NCF4: variants seen among roughly 807,000 people sequenced by gnomAD.
The protein encoded by NCF4 is neutrophil cytosol factor 4.
A neutral mutation model predicts 41.7 loss-of-function variants in NCF4; 30 were observed. The ratio of observed to expected loss-of-function variants is 0.72; its 90% CI spans 0.54 to 0.97. NCF4 has a LOEUF of 0.97. NCF4 is among the 50% of genes least tolerant of loss of function. The pLI is 0.00. For missense variants in NCF4, 432 were observed against 460.9 expected (o/e 0.94, Z 0.57); for synonymous variants, 195 against 175.8 (o/e 1.11, Z -0.87).
chr22:36,862,509 G>A (rs1939798499), intron 1 of NCF4, among the ~76,000 whole-genome samples: 1 of 152,164 alleles, frequency 6.6e-6, no homozygotes, highest in Admixed American at 6.5e-5. Context: ...CCTGCTTTCT[G>A]GGGTACAGGG....
chr22:36,863,162 G>A (rs963681435), intron 1 of NCF4, among the ~76,000 whole-genome samples: 13 of 152,178 alleles, frequency 8.5e-5, no homozygotes, highest in African/African-American at 2.2e-4. Context: ...GGTAGTGGCC[G>A]TGTATTGAGC....
intron 9 of NCF4, among the ~76,000 whole-genome samples, chr22:36,877,028 A>AGAG (rs1569117403): frequency 3.3e-5 from 5 of 151,860 alleles, no homozygotes; most frequent in Middle Eastern, 3.4e-3. Context: ...ATACAGCCCC[A>AGAG]CTCTGTGCCC....
chr22:36,875,887 C>T (rs1940181411), intron 8 of NCF4, 104 bp downstream of exon 8: 1 of 1,614,212 alleles, frequency 6.2e-7, no homozygotes, highest in Non-Finnish European at 8.5e-7. Context: ...CTCCAAAGCC[C>T]CCAGTGGCTC....
At position 36,867,409 on chromosome 22, in the gene NCF4, G is replaced by A; in HGVS notation, c.289G>A (p.Val97Met). The change falls in exon 4 of 10, where the codon GTG becomes ATG. Residue 97 changes from valine (V) to methionine (M), a missense_variant. By Grantham distance (21) the Val-to-Met change is conservative (BLOSUM62 1). Transcript: ENST00000248899. Reference protein sequence around the residue: ...PTLPAKVYVGVKQEIAEMRIP... With the variant: ...PTLPAKVYVGMKQEIAEMRIP... ...CTTCTCAGCCAAAGTCTACGTGGGT[G>A]TGAAACAGGAGATCGCCGAGATGCG... 1 of 1,614,214 alleles carries A rather than the reference G, an allele frequency of 6.2e-7. No homozygotes were observed. Among genetic ancestry groups the A allele is most frequent in the Non-Finnish European group, 8.5e-7 (1 of 1,180,040 alleles).
At chr22:36,873,377 A>T (rs1940126717) in intron 7 of NCF4, among the ~76,000 whole-genome samples, 1 of 147,252 alleles carries the variant, frequency 6.8e-6, no homozygotes, top group Non-Finnish European at 1.5e-5. Context: ...GGAGGTGAGG[A>T]TGGAGGTGAG....
At chr22:36,871,788 T>A in intron 6 of NCF4, 79 bp downstream of exon 6, 1 of 1,439,812 alleles carries the variant, frequency 6.9e-7, no homozygotes, top group South Asian at 1.2e-5. Context: ...ACTGGGCCTC[T>A]CCTGCTGGGT....
intron 9 of NCF4, 40 bp from the exon 10 acceptor site, chr22:36,877,588 C>G: frequency 1.2e-6 from 2 of 1,609,202 alleles, no homozygotes; most frequent in Non-Finnish European, 1.7e-6. Flanking sequence ...CCCTACCTTA[C>G]GCTTAGGCCC....
chr22:36,872,023 A>G, intron 6 of NCF4: 1 of 655,878 alleles, frequency 1.5e-6, no homozygotes, highest in South Asian at 1.7e-5. Context: ...GATGACTCAG[A>G]CAAGGCCCAG....
At chr22:36,868,799 G>C (rs1601550503) in intron 4 of NCF4, among the ~76,000 whole-genome samples, 1 of 152,144 alleles carries the variant, frequency 6.6e-6, no homozygotes, top group African/African-American at 2.4e-5. Context: ...TTGGGTTCCT[G>C]GAAGCCAGAG....
chr22:36,867,511 G>T (rs1313731228), intron 4 of NCF4, 49 bp downstream of exon 4: 1 of 1,597,832 alleles, frequency 6.3e-7, no homozygotes, highest in Non-Finnish European at 8.6e-7. Flanking sequence ...ATGCAGTATT[G>T]GTGGGGGAGC....
chr22:36,871,992 C>T (rs1464938125), intron 6 of NCF4: 4 of 634,266 alleles, frequency 6.3e-6, no homozygotes, highest in Non-Finnish European at 1.1e-5. Context: ...TCAGCCCTGC[C>T]TTAGGCATGG....
rs1303208426 is a variant in NCF4, at chr22:36,877,754, G to A, written c.951G>A (p.Lys317=). The A allele has an allele frequency of 3.7e-6, 6 of 1,613,954 alleles. No individual in the cohort carries two copies. Among genetic ancestry groups the A allele is most frequent in the Non-Finnish European group, 4.2e-6 (5 of 1,180,032 alleles). Residue 317 remains lysine (K), a synonymous_variant, in exon 10 of 10, where the codon AAG becomes AAA. Transcript: ENST00000248899. The part of the protein sequence containing the change: ...VRQARGLPSQ[K]RLFPWKLHIT... The stretch of plus-strand genomic sequence containing the variant: ...AGGCTCGTGGCCTCCCCTCCCAGAA[G>A]CGCCTCTTCCCCTGGAAGCTGCACA...
rs759148716 is a variant in NCF4 at position 36,875,933 on chromosome 22, G to A, written c.759-96G>A. ...CACAATGCTGTAACAAGCCATCAAC[G>A]TCCAGGGTGGCCTGGCCAGCCTCAT... On this transcript the variant is annotated intron_variant, in intron 8 of 9. Coordinates refer to ENST00000248899, the MANE Select transcript of NCF4 (RefSeq NM_000631.5). The A allele has an allele frequency of 2.4e-5, 38 of 1,613,974 alleles. No homozygotes were observed. The South Asian group carries it at 3.1e-4, about 13-fold the overall frequency.
At chr22:36,863,794 A>G (rs1431612607) in intron 1 of NCF4, among the ~76,000 whole-genome samples, 2 of 151,560 alleles carry the variant, frequency 1.3e-5, no homozygotes, top group African/African-American at 4.9e-5. Context: ...TACACTCAAT[A>G]TGGCCACCAG....
At chr22:36,869,495 C>T (rs1468826363) in intron 4 of NCF4, among the ~76,000 whole-genome samples, 1 of 152,176 alleles carries the variant, frequency 6.6e-6, no homozygotes, top group African/African-American at 2.4e-5. Context: ...CTTTTCCGGG[C>T]TCTGCATCCC....
chr22:36,868,702 G>A (rs376815562), intron 4 of NCF4, among the ~76,000 whole-genome samples: 353 of 152,252 alleles, frequency 2.3e-3, no homozygotes, highest in African/African-American at 8.1e-3. Context: ...GGCAGGAGGC[G>A]AGGCTGGGGA....
chr22:36,869,982 C>T, intron 4 of NCF4: 1 of 253,790 alleles, frequency 3.9e-6, no homozygotes, highest in South Asian at 4.3e-5. Context: ...TCTGGGTGCC[C>T]CAGCTCTGTC....
chr22:36,876,146 G>A (rs764065992), intron 9 of NCF4, 52 bp downstream of exon 9: 26 of 1,491,830 alleles, frequency 1.7e-5, no homozygotes, highest in Admixed American at 1.3e-4. Context: ...AGAAGAGAGC[G>A]CAGGGAGAAA....
Position 36,861,012 on chromosome 22 carries a change from G to A in NCF4, c.-160G>A. On this transcript the variant is annotated 5_prime_UTR_variant, in exon 1 of 10. Coordinates refer to ENST00000248899, the MANE Select transcript of NCF4 (RefSeq NM_000631.5). ...TGGAGGAGGAGCCTCTGCCAGACTG[G>A]AGAGAAGCAGGCCTGAGCCTCCCCA... The A allele has an allele frequency of 1.1e-6, 1 of 922,590 alleles. No individual in the cohort carries two copies. Among genetic ancestry groups the A allele is most frequent in the Non-Finnish European group, 1.7e-6 (1 of 577,230 alleles). The allele number at this position is 922,590 out of a possible 1,614,324, so 57.2% of individuals were successfully genotyped here. A position where few individuals can be genotyped will look rare whatever the true frequency, so the allele number is the denominator to read the frequency against.
Sources: allele counts gnomAD v4.1 joint callset (sites outside exome capture counted in the v4.1 genomes callset), GRCh38; gene constraint gnomAD v4.1.1; transcripts MANE v1.5; gene names NCBI Gene and HGNC (gene_info 2026-07-23, HGNC 2026-07-21).